PDE4B: variants seen among roughly 807,000 people sequenced by gnomAD.
PDE4B encodes the protein 3',5'-cyclic-AMP phosphodiesterase 4B.
A neutral mutation model predicts 82.2 loss-of-function variants in PDE4B; 20 were observed. The ratio of observed to expected loss-of-function variants is 0.24; its 90% confidence interval spans 0.17 to 0.35. PDE4B has a LOEUF of 0.35. Ranked by LOEUF, PDE4B falls within the 10% of genes least tolerant of loss-of-function variation. PDE4B has a pLI of 1.00. For synonymous variants in PDE4B, 320 were observed against 318.9 expected (o/e 1.00, Z -0.04); for missense variants, 655 against 907.2 (o/e 0.72, Z 3.57).
intron 3 of PDE4B, among the ~76,000 whole-genome samples, chr1:66,114,311 C>T (rs1645548475): frequency 6.6e-6 from 1 of 152,094 alleles, no homozygotes; most frequent in South Asian, 2.1e-4. Context: ...TCATAGTTAC[C>T]TGAACAGACT....
chr1:65,984,335 T>A (rs1650843636), intron 3 of PDE4B, among the ~76,000 whole-genome samples: 1 of 152,138 alleles, frequency 6.6e-6, no homozygotes, highest in Non-Finnish European at 1.5e-5. Context: ...GCAGGAAGGA[T>A]GTGACTATAA....
intron 14 of PDE4B, 45 bp from the exon 15 acceptor site, chr1:66,367,898 G>A (rs368816834): frequency 1.5e-4 from 244 of 1,612,888 alleles, no homozygotes; most frequent in Non-Finnish European, 2.0e-4. Flanking sequence ...CATTCTCTCT[G>A]ATAGACTGAA....
rs1570124832 is a variant in PDE4B, at chr1:66,062,274, A to G, written c.281+143439A>G. Among the ~76,000 whole-genome samples, 3 of 152,146 alleles carry G rather than the reference A, an allele frequency of 2.0e-5. No individual in the cohort carries two copies. In the East Asian group the frequency reaches 5.8e-4, roughly 29 times the overall value. ...CAATTTTTCCTCTACAAATAAACTC[A>G]TTGGTGCTAATCTTGTAAACAGTGG... On this transcript the variant is annotated intron_variant, in intron 3 of 16. Transcript: ENST00000341517.
intron 3 of PDE4B, among the ~76,000 whole-genome samples, chr1:65,944,501 A>G (rs955091855): frequency 1.3e-5 from 2 of 151,960 alleles, no homozygotes; most frequent in Non-Finnish European, 2.9e-5. Flanking sequence ...GAGCAAGATT[A>G]GATATAGAAA....
At chr1:66,066,387 T>C (rs1281980207) in intron 3 of PDE4B, among the ~76,000 whole-genome samples, 1 of 151,874 alleles carries the variant, frequency 6.6e-6, no homozygotes, top group Non-Finnish European at 1.5e-5. Flanking sequence ...GTATTTATTA[T>C]GCAAATTTCC....
chr1:65,799,695 A>C (rs900695569), intron 1 of PDE4B, among the ~76,000 whole-genome samples: 1 of 152,164 alleles, frequency 6.6e-6, no homozygotes, highest in Admixed American at 6.5e-5. Context: ...TGTCCTGGGC[A>C]TGCTACATTG....
At chr1:65,861,105 G>A (rs1012943537) in intron 1 of PDE4B, among the ~76,000 whole-genome samples, 7 of 152,120 alleles carry the variant, frequency 4.6e-5, no homozygotes, top group Admixed American at 3.9e-4. Context: ...TGGTGTTTTA[G>A]TCTTGAAGTC....
At chr1:65,837,769 A>T (rs1557771895) in intron 1 of PDE4B, among the ~76,000 whole-genome samples, 1 of 152,120 alleles carries the variant, frequency 6.6e-6, no homozygotes, top group Non-Finnish European at 1.5e-5. Flanking sequence ...AAGGGTACAT[A>T]TGCAGATTTG....
chr1:65,848,658 G>A (rs1350684971), intron 1 of PDE4B, among the ~76,000 whole-genome samples: 1 of 152,032 alleles, frequency 6.6e-6, no homozygotes, highest in Non-Finnish European at 1.5e-5. Flanking sequence ...TTTGTGGCTG[G>A]CCTTTCTTAT....
At chr1:66,141,030 T>C (rs1377839119) in intron 3 of PDE4B, among the ~76,000 whole-genome samples, 2 of 152,138 alleles carry the variant, frequency 1.3e-5, no homozygotes, top group African/African-American at 4.8e-5. Flanking sequence ...TTTCTAGTTT[T>C]TGGTTGTCAA....
intron 7 of PDE4B, among the ~76,000 whole-genome samples, chr1:66,306,873 G>A (rs892794620): frequency 1.3e-5 from 2 of 152,152 alleles, no homozygotes; most frequent in African/African-American, 4.8e-5. Context: ...TAGAATAATT[G>A]TGTGGTGCTG....
At chr1:65,827,209 C>T (rs936451270) in intron 1 of PDE4B, among the ~76,000 whole-genome samples, 2 of 151,926 alleles carry the variant, frequency 1.3e-5, no homozygotes. Context: ...ACTTCCATAT[C>T]TACTGTCAAA....
At chr1:65,829,607 G>A (rs1242205704) in intron 1 of PDE4B, among the ~76,000 whole-genome samples, 1 of 152,034 alleles carries the variant, frequency 6.6e-6, no homozygotes, top group Non-Finnish European at 1.5e-5. Context: ...TTGGTTCTTG[G>A]ATAAGAATAA....
At chr1:65,940,047 A>G (rs1273959339) in intron 3 of PDE4B, among the ~76,000 whole-genome samples, 1 of 152,196 alleles carries the variant, frequency 6.6e-6, no homozygotes, top group African/African-American at 2.4e-5. Flanking sequence ...AATAAATGAA[A>G]TAAACAAGGT....
chr1:65,863,318 G>A (rs764180327), intron 1 of PDE4B, among the ~76,000 whole-genome samples: 1 of 152,108 alleles, frequency 6.6e-6, no homozygotes, highest in African/African-American at 2.4e-5. Context: ...CAGTTTTTTT[G>A]TGAGTTTCTT....
chr1:66,343,493 T>A (rs1661171014), intron 8 of PDE4B, among the ~76,000 whole-genome samples: 1 of 152,232 alleles, frequency 6.6e-6, no homozygotes, highest in African/African-American at 2.4e-5. Flanking sequence ...AAGGCCATCC[T>A]CTTACCTATC....
chr1:66,018,379 C>T (rs543664613), intron 3 of PDE4B, among the ~76,000 whole-genome samples: 1 of 152,224 alleles, frequency 6.6e-6, no homozygotes, highest in East Asian at 1.9e-4. Flanking sequence ...GAGATCGTGC[C>T]ACTGCACTCC....
At position 66,331,725 on chromosome 1, in the gene PDE4B, T is replaced by G. The variant is rs1660122346; in HGVS notation, c.635-783T>G. 8 of 985,228 alleles carry G rather than the reference T, an allele frequency of 8.1e-6. No homozygotes were observed. The South Asian group carries it at 3.8e-4, about 46-fold the overall frequency. 61.0% of individuals were successfully genotyped at this position (985,228 alleles called of 1,614,324 possible). ...CAGAATTTCCCTGTGATCCTGGCAC[T>G]TGCAGAAGGGAAGTTTTAGCTTTGT... On this transcript the variant is annotated intron_variant, in intron 7 of 16. Transcript: ENST00000341517.
chr1:66,207,050 C>T lies in PDE4B; in HGVS notation c.282-40410C>T, dbSNP rs75558307. ...AATCTTGTACTGAAAGGAAATACTA[C>T]ATTTCCCCTGTAAATAGTAATGGAA... On this transcript the variant is annotated intron_variant, in intron 3 of 16. Coordinates refer to ENST00000341517, the MANE Select transcript of PDE4B (RefSeq NM_002600.4). Among the ~76,000 whole-genome samples, 1,945 of 152,284 alleles carry T rather than the reference C, an allele frequency of 0.013. 92 individuals carry two copies. The East Asian group carries it at 0.15, about 12-fold the overall frequency.
Sources: allele counts gnomAD v4.1 joint callset (sites outside exome capture counted in the v4.1 genomes callset), GRCh38; gene constraint gnomAD v4.1.1; transcripts MANE v1.5; gene names NCBI Gene and HGNC (gene_info 2026-07-23, HGNC 2026-07-21).